Variants in ESRRG observed in about 807,000 individuals in gnomAD.
ESRRG encodes estrogen-related receptor gamma.
In ESRRG, 13 loss-of-function variants were observed where a neutral mutation model predicts 44.0. The ratio of observed to expected loss-of-function variants is 0.30; its 90% CI spans 0.19 to 0.47. The LOEUF (loss-of-function observed/expected upper bound fraction) is 0.47, where lower values mean the gene tolerates loss of function less well. ESRRG is among the 20% of genes least tolerant of loss of function. ESRRG has a pLI of 1.00. For missense variants in ESRRG, 395 were observed against 580.6 expected, an observed-to-expected ratio of 0.68 and a Z score of 3.29; for synonymous variants, 215 against 214.6, an observed-to-expected ratio of 1.00 and a Z score of -0.02.
chr1:216,727,504 T>A (rs1004648750), upstream of ESRRG, among the ~76,000 whole-genome samples: 1 of 152,232 alleles, frequency 6.6e-6, no homozygotes, highest in African/African-American at 2.4e-5. Context: ...TTGGGGTTTC[T>A]TTTGTGCTAT....
chr1:216,760,745 T>C (rs142133647), intron 2 of ESRRG, among the ~76,000 whole-genome samples: 137 of 152,196 alleles, frequency 9.0e-4, no homozygotes, highest in Middle Eastern at 3.4e-3. Flanking sequence ...TTTCATGTTT[T>C]GCAGTTTTAA....
intron 2 of ESRRG, among the ~76,000 whole-genome samples, chr1:216,660,642 C>T (rs1457575216): frequency 2.0e-5 from 3 of 152,196 alleles, no homozygotes; most frequent in Admixed American, 6.5e-5. Context: ...GTTGCTGTTG[C>T]TATTGTTGCC....
At chr1:216,528,101 A>G (rs1010543905) in intron 5 of ESRRG, among the ~76,000 whole-genome samples, 1 of 152,218 alleles carries the variant, frequency 6.6e-6, no homozygotes, top group Non-Finnish European at 1.5e-5. Flanking sequence ...ATGCGACGTT[A>G]GGAATGAAAA....
intron 2 of ESRRG, among the ~76,000 whole-genome samples, chr1:216,907,404 G>A (rs902372535): frequency 6.6e-6 from 1 of 152,166 alleles, no homozygotes; most frequent in Admixed American, 6.5e-5. Context: ...AACCTGCACA[G>A]CATTAGGAGG....
chr1:216,626,828 C>T (rs575299209), intron 3 of ESRRG, among the ~76,000 whole-genome samples: 70 of 152,362 alleles, frequency 4.6e-4, no homozygotes, highest in African/African-American at 1.7e-3. Context: ...TGCAGTCTGA[C>T]TCATTGTTCT....
At chr1:216,559,376 G>A (rs7520795) in intron 5 of ESRRG, among the ~76,000 whole-genome samples, 26,839 of 152,156 alleles carry the variant, frequency 0.18, 2,599 homozygotes, top group African/African-American at 0.23. Context: ...AATATTATAA[G>A]TCCACGTAAA....
chr1:216,616,136 G>A (rs752573086), intron 3 of ESRRG, among the ~76,000 whole-genome samples: 15 of 152,268 alleles, frequency 9.9e-5, no homozygotes, highest in African/African-American at 2.6e-4. Flanking sequence ...TACTAGGGTC[G>A]CTGTGGTGGA....
intron 1 of ESRRG, chr1:217,076,750 T>C (rs917201885): frequency 2.6e-5 from 4 of 152,356 alleles, no homozygotes; most frequent in South Asian, 2.1e-4. Context: ...ATTCCTCTTA[T>C]GTCAAGACTT....
intron 2 of ESRRG, among the ~76,000 whole-genome samples, chr1:216,812,394 T>C (rs2095000968): frequency 6.6e-6 from 1 of 152,180 alleles, no homozygotes; most frequent in African/African-American, 2.4e-5. Context: ...ACTCAATGGG[T>C]AATTTTTCTA....
chr1:216,973,956 C>T (rs181065537), intron 1 of ESRRG, among the ~76,000 whole-genome samples: 9 of 152,100 alleles, frequency 5.9e-5, no homozygotes, highest in African/African-American at 1.9e-4. Context: ...ACTATATGTT[C>T]GGGCCACTTT....
At chr1:216,560,351 A>T (rs917472173) in intron 5 of ESRRG, among the ~76,000 whole-genome samples, 6 of 152,186 alleles carry the variant, frequency 3.9e-5, no homozygotes, top group African/African-American at 1.4e-4. Context: ...AAACAAGCAG[A>T]CCTGAAGATT....
chr1:216,986,592 CG>C (rs2074912927), intron 1 of ESRRG, among the ~76,000 whole-genome samples: 2 of 151,228 alleles, frequency 1.3e-5, no homozygotes, highest in Non-Finnish European at 2.9e-5. Context: ...CCTGGAGTGG[CG>C]GGGCATGGCT....
chr1:216,906,403 C>T (rs145087422), intron 2 of ESRRG, among the ~76,000 whole-genome samples: 1 of 152,298 alleles, frequency 6.6e-6, no homozygotes, highest in East Asian at 1.9e-4. Flanking sequence ...GACTTGTACT[C>T]TCCCAACCCA....
chr1:216,690,512 AT>A (rs1320358271), intron 1 of ESRRG, among the ~76,000 whole-genome samples: 1 of 152,122 alleles, frequency 6.6e-6, no homozygotes, highest in Non-Finnish European at 1.5e-5. Flanking sequence ...AGAGAGGAAC[AT>A]AGGGAAGCTG....
intron 3 of ESRRG, among the ~76,000 whole-genome samples, chr1:216,641,749 T>C (rs2150912214): frequency 1.3e-5 from 2 of 152,352 alleles, no homozygotes; most frequent in Middle Eastern, 6.8e-3. Context: ...TGATGTTTAT[T>C]CACATAGTTT....
rs1227327232 is a variant in ESRRG at position 216,723,202 on chromosome 1, C to T, written c.56+42G>A. ...TAGTCTGTCCGCCCCCACCCCCGCACCCCCACGACGAGTTTAAAAAGGAAA... is the reference window on the plus strand; with the variant it reads ...TAGTCTGTCCGCCCCCACCCCCGCATCCCCACGACGAGTTTAAAAAGGAAA... On this transcript the variant is annotated intron_variant, in intron 1 of 6. Transcript: ENST00000408911. 2.6e-6 allele frequency: 4 copies of T among 1,528,330 alleles called. No homozygotes were observed. The South Asian group carries it at 4.5e-5, about 17-fold the overall frequency. The allele number at this position is 1,528,330 out of a possible 1,614,324, so 94.7% of individuals were successfully genotyped here. A position where few individuals can be genotyped will look rare whatever the true frequency, so the allele number is the denominator to read the frequency against.
At chr1:216,825,684 G>A (rs762650097) in intron 2 of ESRRG, among the ~76,000 whole-genome samples, 7 of 152,132 alleles carry the variant, frequency 4.6e-5, no homozygotes, top group Non-Finnish European at 1.0e-4. Context: ...TGGTAAGCTG[G>A]GCAGCCTTGG....
At chr1:216,615,865 T>C (rs2061363053) in intron 3 of ESRRG, among the ~76,000 whole-genome samples, 1 of 152,010 alleles carries the variant, frequency 6.6e-6, no homozygotes, top group East Asian at 1.9e-4. Flanking sequence ...TTTGTATTTT[T>C]AGTAGAGACA....
intron 1 of ESRRG, among the ~76,000 whole-genome samples, chr1:217,070,941 C>G (rs2090476151): frequency 6.6e-6 from 1 of 152,190 alleles, no homozygotes; most frequent in African/African-American, 2.4e-5. Context: ...CCCAGACACT[C>G]TACTTCCAGA....
Sources: gnomAD v4.1 joint callset for allele counts (sites outside exome capture counted in the v4.1 genomes callset) on GRCh38, gnomAD v4.1.1 for gene constraint, MANE v1.5 for transcripts, NCBI Gene and HGNC (gene_info 2026-07-23, HGNC 2026-07-21) for gene names.